SOHLH2: variants seen among roughly 807,000 people sequenced by gnomAD.
SOHLH2 encodes the protein spermatogenesis- and oogenesis-specific basic helix-loop-helix-containing protein 2.
In SOHLH2, 22 loss-of-function variants were observed where a neutral mutation model predicts 50.4. The observed-to-expected ratio is 0.44, with a 90% CI of 0.31 to 0.62. The LOEUF (loss-of-function observed/expected upper bound fraction) is 0.62, where lower values mean the gene tolerates loss of function less well. SOHLH2 is among the 20% of genes least tolerant of loss of function. The probability of loss-of-function intolerance (pLI) is 0.08; values close to 1 mark genes in which losing one functional copy is unlikely to be tolerated. For synonymous variants in SOHLH2, 185 were observed against 187.3 expected (o/e 0.99, Z 0.10); for missense variants, 412 against 504.4 (o/e 0.82, Z 1.76).
intron 10 of SOHLH2, 103 bp downstream of exon 10, chr13:36,170,428 T>A: frequency 6.8e-7 from 1 of 1,470,284 alleles, no homozygotes; most frequent in Non-Finnish European, 9.0e-7. Flanking sequence ...AGCTCTTAGG[T>A]CCCAGCCTTC....
chr13:36,198,323 TC>T (rs1367504556), intron 2 of SOHLH2, among the ~76,000 whole-genome samples: 3 of 152,210 alleles, frequency 2.0e-5, no homozygotes, highest in African/African-American at 7.2e-5. Context: ...TCTGTACCTG[TC>T]TTTGGAAGAT....
chr13:36,173,439 A>G (rs1372888785), intron 9 of SOHLH2, among the ~76,000 whole-genome samples: 35 of 152,338 alleles, frequency 2.3e-4, no homozygotes, highest in Non-Finnish European at 5.9e-5. Context: ...ATTATAAACA[A>G]AGTCACCAGT....
chr13:36,201,036 G>A (rs1254264004), intron 2 of SOHLH2, among the ~76,000 whole-genome samples: 1 of 120,400 alleles, frequency 8.3e-6, no homozygotes, highest in Non-Finnish European at 1.6e-5. Context: ...GCAACAGAAC[G>A]AGACTCTGCC....
intron 6 of SOHLH2, among the ~76,000 whole-genome samples, chr13:36,180,605 G>A (rs1035391173): frequency 7.0e-5 from 9 of 129,052 alleles, no homozygotes; most frequent in Admixed American, 2.4e-4. Context: ...TTTTTCTTGT[G>A]ATTTTTTTTT....
At position 36,173,751 on chromosome 13, in the gene SOHLH2, G is replaced by A. The variant is rs769768669; in HGVS notation, c.941C>T (p.Thr314Met). ...PERGLQFLTN[T>M]CWNGCSTPDA... ...AGGAGTGGAGCACCCATTCCAGCACGTATTAGTCAGGAATTGGAGCCCTCT... is the reference window on the plus strand; with the variant it reads ...AGGAGTGGAGCACCCATTCCAGCACATATTAGTCAGGAATTGGAGCCCTCT... Residue 314 changes from threonine to methionine, a missense_variant, in exon 9 of 11, where the codon ACG (threonine) becomes ATG (methionine). Transcript: ENST00000379881. 9.3e-6 allele frequency: 15 copies of A among 1,613,974 alleles called. No individual in the cohort carries two copies. The highest frequency in any genetic ancestry group is 2.2e-5 in the East Asian group (1 of 44,880).
At chr13:36,186,578 TTCTTC>T (rs1024204068) in intron 6 of SOHLH2, among the ~76,000 whole-genome samples, 2 of 152,172 alleles carry the variant, frequency 1.3e-5, no homozygotes, top group African/African-American at 4.8e-5. Flanking sequence ...AACATTTCCC[TTCTTC>T]TCAAGTGAAT....
intron 9 of SOHLH2, among the ~76,000 whole-genome samples, chr13:36,172,588 C>T (rs1440116375): frequency 6.6e-6 from 1 of 152,236 alleles, no homozygotes; most frequent in Admixed American, 6.5e-5. Context: ...ACAGCACTTA[C>T]AAGACTGTCT....
At position 36,190,044 on chromosome 13, in the gene SOHLH2, T is replaced by C. The variant is rs1181654110; in HGVS notation, c.543A>G (p.Leu181=). ...TTAATTCAAGCCCATTGCCATTCCT[T>C]AAAGATTCAGAGCTAGAAACAAGAG... The part of the protein sequence containing the change: ...PTDLFACSES[L]RNGNGLELNA... The change falls in exon 6 of 11, where the codon TTA becomes TTG. Residue 181 remains leucine (L), a synonymous_variant. Coordinates refer to ENST00000379881, the MANE Select transcript of SOHLH2 (RefSeq NM_017826.3). 1 of 1,601,866 alleles carries C rather than the reference T, an allele frequency of 6.2e-7. No homozygotes were observed. Among genetic ancestry groups the C allele is most frequent in the Non-Finnish European group, 8.5e-7 (1 of 1,174,198 alleles).
At chr13:36,175,514 T>C (rs1324686178) in intron 6 of SOHLH2, among the ~76,000 whole-genome samples, 1 of 152,202 alleles carries the variant, frequency 6.6e-6, no homozygotes, top group African/African-American at 2.4e-5. Flanking sequence ...TGAAGGGGGA[T>C]AGGAAATGTA....
At chr13:36,192,368 G>T (rs1417184697) in intron 4 of SOHLH2, among the ~76,000 whole-genome samples, 1 of 152,146 alleles carries the variant, frequency 6.6e-6, no homozygotes, top group Non-Finnish European at 1.5e-5. Context: ...AGGGGCATGG[G>T]CAGGTGACGA....
At chr13:36,194,673 C>T (rs181276745) in intron 2 of SOHLH2, among the ~76,000 whole-genome samples, 3 of 152,120 alleles carry the variant, frequency 2.0e-5, no homozygotes, top group South Asian at 2.1e-4. Flanking sequence ...GTCTGGAATT[C>T]GATAATTGGA....
chr13:36,196,127 A>ATT (rs71198406), intron 2 of SOHLH2, among the ~76,000 whole-genome samples: 4 of 102,012 alleles, frequency 3.9e-5, no homozygotes, highest in South Asian at 3.0e-4. Context: ...TAGATAGATA[A>ATT]TTTTTTTTTT....
At chr13:36,212,956 G>A (rs756981314) in intron 1 of SOHLH2, among the ~76,000 whole-genome samples, 2 of 152,220 alleles carry the variant, frequency 1.3e-5, no homozygotes, top group Non-Finnish European at 2.9e-5. Flanking sequence ...AGCAGGTGCT[G>A]AAGTGCTTAA....
At chr13:36,169,317 A>C (rs1042158651) in intron 10 of SOHLH2, among the ~76,000 whole-genome samples, 7 of 152,206 alleles carry the variant, frequency 4.6e-5, no homozygotes, top group Admixed American at 4.6e-4. Flanking sequence ...CTTTGCTTTC[A>C]TTTACCCTAG....
chr13:36,188,031 G>C (rs1478322033), intron 6 of SOHLH2, among the ~76,000 whole-genome samples: 1 of 152,082 alleles, frequency 6.6e-6, no homozygotes. Context: ...AAGCCACCAT[G>C]AAAGAAGTCC....
intron 6 of SOHLH2, among the ~76,000 whole-genome samples, chr13:36,178,244 A>G (rs1335446642): frequency 1.3e-5 from 2 of 152,128 alleles, no homozygotes; most frequent in African/African-American, 2.4e-5. Flanking sequence ...TAGAAGCTCT[A>G]TAATTTTAGC....
At chr13:36,208,847 A>G (rs1355705786) in intron 1 of SOHLH2, among the ~76,000 whole-genome samples, 1 of 152,192 alleles carries the variant, frequency 6.6e-6, no homozygotes, top group Non-Finnish European at 1.5e-5. Context: ...GCAAATACTT[A>G]TAAGGTCAAA....
chr13:36,178,820 GT>G (rs748848806), intron 6 of SOHLH2, among the ~76,000 whole-genome samples: 12,763 of 127,204 alleles, frequency 0.1, 569 homozygotes, highest in African/African-American at 0.15. Flanking sequence ...CAGATCATTT[GT>G]TTTTTTTTTT....
chr13:36,168,861 G>C lies in SOHLH2; in HGVS notation c.*173C>G. 8.8e-7 allele frequency: 1 copy of C among 1,138,980 alleles called. No individual in the cohort carries two copies. Among genetic ancestry groups the C allele is most frequent in the Non-Finnish European group, 1.2e-6 (1 of 856,570 alleles). The allele number at this position is 1,138,980 out of a possible 1,614,324, so 70.6% of individuals were successfully genotyped here. On this transcript the variant is annotated 3_prime_UTR_variant, in exon 11 of 11. Coordinates refer to ENST00000379881, the MANE Select transcript of SOHLH2 (RefSeq NM_017826.3). The stretch of plus-strand genomic sequence containing the variant: ...TGTGTGGCCAGCTTTTTCGCTGCTG[G>C]TCTTTCTATCTGCAGAAGCTTTGAG...
Sources: allele counts gnomAD v4.1 joint callset (sites outside exome capture counted in the v4.1 genomes callset), GRCh38; gene constraint gnomAD v4.1.1; transcripts MANE v1.5; gene names NCBI Gene and HGNC (gene_info 2026-07-23, HGNC 2026-07-21).